ITPR2: variants seen among roughly 807,000 people sequenced by gnomAD.
The protein encoded by ITPR2 is inositol 1,4,5-trisphosphate-gated calcium channel ITPR2.
A neutral mutation model predicts 317.1 loss-of-function variants in ITPR2; 207 were observed. That is an observed-to-expected ratio of 0.65 (90% CI 0.58 to 0.73). ITPR2 has a LOEUF of 0.73. ITPR2 is among the 30% of genes least tolerant of loss of function. ITPR2 has a pLI of 0.00. For missense variants in ITPR2, 2,613 were observed against 3,284.0 expected (o/e 0.80, Z 4.99); for synonymous variants, 1,156 against 1,149.1 (o/e 1.01, Z -0.12).
chr12:26,474,781 G>A (rs372709869), intron 45 of ITPR2, among the ~76,000 whole-genome samples: 5 of 113,692 alleles, frequency 4.4e-5, no homozygotes, highest in African/African-American at 9.8e-5. Flanking sequence ...GCGACAGAGC[G>A]AGACTCCGTC....
At chr12:26,678,412 C>CAG (rs34253560) in intron 13 of ITPR2, among the ~76,000 whole-genome samples, 55,828 of 149,348 alleles carry the variant, frequency 0.37, 10,857 homozygotes, top group East Asian at 0.57. Flanking sequence ...AAAGGGAAGA[C>CAG]AGAGAGAGAG....
chr12:26,719,837 T>C (rs1284731286), intron 5 of ITPR2, among the ~76,000 whole-genome samples: 1 of 152,174 alleles, frequency 6.6e-6, no homozygotes, highest in Non-Finnish European at 1.5e-5. Context: ...AGTTTCTTTT[T>C]TCAAGAGTTA....
intron 3 of ITPR2, among the ~76,000 whole-genome samples, 196 bp downstream of exon 3, chr12:26,725,454 T>C (rs1014543780): frequency 6.6e-6 from 1 of 152,222 alleles, no homozygotes; most frequent in African/African-American, 2.4e-5. Flanking sequence ...GCAGCAGTAA[T>C]GTGCTACCTA....
At chr12:26,565,820 A>C (rs1944944056) in intron 34 of ITPR2, among the ~76,000 whole-genome samples, 1 of 142,780 alleles carries the variant, frequency 7.0e-6, no homozygotes, top group South Asian at 2.4e-4. Context: ...AAGGAAAGAA[A>C]AGAAGAGAGG....
chr12:26,340,288 G>A lies in ITPR2; in HGVS notation c.7898C>T (p.Ser2633Phe). The A allele has an allele frequency of 6.2e-7, 1 of 1,608,782 alleles. No individual in the cohort carries two copies. ...LDWFPRMRAM[S>F]LVSNEGDSEQ... ...ACTGTCGCCTTCATTGCTAACGAGGGACATGGCTCGCATCCGAGGAAACCA... is the reference window on the plus strand; with the variant it reads ...ACTGTCGCCTTCATTGCTAACGAGGAACATGGCTCGCATCCGAGGAAACCA... The change falls in exon 56 of 57, where the codon TCC becomes TTC. Residue 2633 changes from serine (S) to phenylalanine (F), a missense_variant. By Grantham distance (155) the Ser-to-Phe change is radical (BLOSUM62 -2). Transcript: ENST00000381340.
intron 51 of ITPR2, among the ~76,000 whole-genome samples, chr12:26,411,782 G>A (rs932798569): frequency 3.3e-5 from 5 of 152,170 alleles, no homozygotes; most frequent in African/African-American, 1.2e-4. Flanking sequence ...GGCAGTCCCT[G>A]AGCCCTAAGC....
At chr12:26,718,813 C>T (rs1281582524) in intron 5 of ITPR2, among the ~76,000 whole-genome samples, 2 of 151,880 alleles carry the variant, frequency 1.3e-5, no homozygotes, top group African/African-American at 2.4e-5. Context: ...GGTTTCACTA[C>T]GTTGGTCAGG....
At chr12:26,377,091 T>G (rs979640779) in intron 55 of ITPR2, among the ~76,000 whole-genome samples, 1 of 152,134 alleles carries the variant, frequency 6.6e-6, no homozygotes, top group African/African-American at 2.4e-5. Context: ...TGGTTACTAC[T>G]TTAGCCTCCT....
intron 54 of ITPR2, among the ~76,000 whole-genome samples, chr12:26,393,813 G>C (rs1232777155): frequency 3.9e-5 from 6 of 152,178 alleles, no homozygotes; most frequent in African/African-American, 1.4e-4. Context: ...TACCCTGCAT[G>C]TAACAAAATC....
rs1565609918 is a variant in ITPR2 at position 26,568,015 on chromosome 12, T to TATATATTATATATATTATATATA, written c.4631-6064_4631-6063insTATATATAATATATATAATATAT. 6.9e-4 allele frequency among the ~76,000 whole-genome samples: 59 copies of TATATATTATATATATTATATATA among 84,942 alleles called. 1 individual carries two copies. The highest frequency in any genetic ancestry group is 1.1e-3 in the Non-Finnish European group (45 of 41,662). The allele number at this position is 84,942 out of a possible 152,430, so 55.7% of individuals were successfully genotyped here. On this transcript the variant is annotated intron_variant, in intron 34 of 56. Transcript: ENST00000381340. ...ATATATATTATATATATTATATATA[T>TATATATTATATATATTATATATA]ATATATATATATATATAAAATGTCA...
intron 36 of ITPR2, among the ~76,000 whole-genome samples, chr12:26,555,764 C>T (rs943220333): frequency 3.3e-5 from 5 of 152,166 alleles, no homozygotes; most frequent in African/African-American, 1.2e-4. Flanking sequence ...TCAGCAATCT[C>T]CTCTCTGAAT....
intron 39 of ITPR2, among the ~76,000 whole-genome samples, chr12:26,489,594 T>C (rs1942751680): frequency 6.6e-6 from 1 of 152,206 alleles, no homozygotes; most frequent in Admixed American, 6.5e-5. Flanking sequence ...GCCAAGTTAA[T>C]ACATACAAAT....
intron 37 of ITPR2, among the ~76,000 whole-genome samples, chr12:26,524,831 T>C (rs1175731649): frequency 6.6e-6 from 1 of 152,226 alleles, no homozygotes; most frequent in Non-Finnish European, 1.5e-5. Flanking sequence ...GGTTATCAAT[T>C]GTATAAAAAT....
At chr12:26,361,605 G>A (rs533764113) in intron 55 of ITPR2, among the ~76,000 whole-genome samples, 14 of 152,292 alleles carry the variant, frequency 9.2e-5, no homozygotes, top group Middle Eastern at 3.4e-3. Flanking sequence ...TTAGGGTAAC[G>A]TGATATATAA....
At chr12:26,401,201 C>T (rs576679031) in intron 52 of ITPR2, among the ~76,000 whole-genome samples, 3 of 151,902 alleles carry the variant, frequency 2.0e-5, no homozygotes, top group African/African-American at 7.2e-5. Context: ...TGCATTCCAG[C>T]CTGGGTAACA....
intron 44 of ITPR2, among the ~76,000 whole-genome samples, chr12:26,476,703 G>A (rs905483745): frequency 1.3e-5 from 2 of 152,154 alleles, no homozygotes; most frequent in African/African-American, 4.8e-5. Context: ...TGCTTAGAGT[G>A]GATAAAACTA....
intron 44 of ITPR2, 138 bp downstream of exon 44, chr12:26,476,774 G>C: frequency 1.6e-6 from 1 of 610,806 alleles, no homozygotes; most frequent in East Asian, 2.8e-5. Context: ...CTGAGGTATT[G>C]GTAATGGTAG....
At chr12:26,696,179 G>C (rs2136991613) in intron 9 of ITPR2, among the ~76,000 whole-genome samples, 1 of 152,250 alleles carries the variant, frequency 6.6e-6, no homozygotes, top group South Asian at 2.1e-4. Flanking sequence ...GTGGCATTTT[G>C]GGGCCAATCT....
rs764032733 is a variant in ITPR2, at chr12:26,387,563, C to T, written c.7728G>A (p.Thr2576=). The part of the protein sequence containing the change: ...GLERDKFDNK[T]VSFEEHIKSE... Reference sequence around the variant, plus strand: ...ACTTAATGTGCTCCTCAAATGAAACCGTTTTATTATCAAACTTGTCTCTCT... The same window carrying T: ...ACTTAATGTGCTCCTCAAATGAAACTGTTTTATTATCAAACTTGTCTCTCT... The change falls in exon 55 of 57, where the codon ACG becomes ACA. Residue 2576 remains threonine, a synonymous_variant. Transcript: ENST00000381340. The T allele has an allele frequency of 3.7e-5, 60 of 1,613,384 alleles. No homozygotes were observed. The Admixed American group carries it at 3.8e-4, about 10-fold the overall frequency.
Sources: allele counts gnomAD v4.1 joint callset (sites outside exome capture counted in the v4.1 genomes callset), GRCh38; gene constraint gnomAD v4.1.1; transcripts MANE v1.5; gene names NCBI Gene and HGNC (gene_info 2026-07-23, HGNC 2026-07-21).